Variants in C3 observed in about 807,000 individuals in gnomAD.
C3 encodes the protein C3 and PZP-like alpha-2-macroglobulin domain-containing protein 1.
A neutral mutation model predicts 207.9 loss-of-function variants in C3; 97 were observed. The ratio of observed to expected loss-of-function variants is 0.47; its 90% confidence interval spans 0.40 to 0.55. The LOEUF is 0.55. Among genes scored for constraint, C3 ranks in the 20% least tolerant of loss-of-function variants. The pLI is 0.00. For missense variants in C3, 1,684 were observed against 2,171.7 expected, an observed-to-expected ratio of 0.78 and a Z score of 4.46; for synonymous variants, 848 against 857.6, an observed-to-expected ratio of 0.99 and a Z score of 0.20.
In C3 at chr19:6,697,380, G is replaced by A; in HGVS notation, c.2760C>T (p.Phe920=). ...VEVKAAVYHH[F]ISDGVRKSLK... is the part of the protein sequence containing the mutation. ...GGGACTTCCTGACACCGTCACTGAT[G>A]AAATGATGGTAGACAGCAGCCTTGA... The change falls in exon 21 of 41, where the codon TTC becomes TTT. Residue 920 remains phenylalanine (F), a synonymous_variant. Coordinates refer to ENST00000245907, the MANE Select transcript of C3 (RefSeq NM_000064.4). 6.2e-7 allele frequency: 1 copy of A among 1,614,100 alleles called. No individual in the cohort carries two copies. Among genetic ancestry groups the A allele is most frequent in the Non-Finnish European group, 8.5e-7 (1 of 1,180,002 alleles).
At chr19:6,707,338 G>A in intron 16 of C3, 65 bp from the exon 17 acceptor site, 1 of 1,600,184 alleles carries the variant, frequency 6.2e-7, no homozygotes, top group Non-Finnish European at 8.5e-7. Flanking sequence ...GAGGGACGCG[G>A]GACGGACCCC....
chr19:6,708,443 C>T (rs189143082), intron 14 of C3, among the ~76,000 whole-genome samples: 108 of 152,172 alleles, frequency 7.1e-4, no homozygotes, highest in African/African-American at 2.4e-3. Flanking sequence ...GCCACCATGC[C>T]CGGCCTTCTT....
rs1226543167 is a variant in C3 at position 6,677,926 on chromosome 19, C to T, written c.4948G>A (p.Gly1650Ser). 1 of 1,605,518 alleles carries T rather than the reference C, an allele frequency of 6.2e-7. No individual in the cohort carries two copies. Among genetic ancestry groups the T allele is most frequent in the Non-Finnish European group, 8.5e-7 (1 of 1,176,514 alleles). The change falls in exon 41 of 41, where the codon GGC becomes AGC. Residue 1650 changes from glycine to serine, a missense_variant. Coordinates refer to ENST00000245907, the MANE Select transcript of C3 (RefSeq NM_000064.4). ...EENQKQCQDL[G>S]AFTESMVVFG... ...ACAACCATGCTCTCGGTGAAGGCGCCGAGGTCCTGGCATTGTTTCTGGTTC... is the reference window on the plus strand; with the variant it reads ...ACAACCATGCTCTCGGTGAAGGCGCTGAGGTCCTGGCATTGTTTCTGGTTC...
intron 33 of C3, among the ~76,000 whole-genome samples, chr19:6,683,971 C>T (rs781148648): frequency 2.6e-5 from 4 of 152,202 alleles, no homozygotes; most frequent in Admixed American, 1.3e-4. Context: ...TCATGGCACA[C>T]GCCTGTAGTC....
Position 6,682,207 on chromosome 19 carries a change from T to C in C3, c.4195A>G (p.Thr1399Ala). Residue 1399 changes from threonine (T) to alanine (A), a missense_variant, in exon 34 of 41, where the codon ACT (threonine) becomes GCT (alanine). By Grantham distance (58) the Thr-to-Ala change is moderately conservative. This residue lies in a region of C3 where 346 missense variants were observed against 380.1 expected (regional missense o/e 0.91). Coordinates refer to ENST00000245907, the MANE Select transcript of C3 (RefSeq NM_000064.4). ...CTRYRGDQDA[T>A]MSILDISMMT... Reference sequence around the variant, plus strand: ...ATGGATATGTCCAATATAGACATAGTGGCATCCTGGTCTCCCCGGTACCTG... The same window carrying C: ...ATGGATATGTCCAATATAGACATAGCGGCATCCTGGTCTCCCCGGTACCTG... 1 of 1,613,896 alleles carries C rather than the reference T, an allele frequency of 6.2e-7. No homozygotes were observed. The highest frequency in any genetic ancestry group is 8.5e-7 in the Non-Finnish European group (1 of 1,179,754).
intron 19 of C3, among the ~76,000 whole-genome samples, chr19:6,700,198 G>A: frequency 7.6e-6 from 1 of 132,282 alleles, no homozygotes; most frequent in Non-Finnish European, 1.5e-5. Context: ...TATATTACAT[G>A]TGTAATATGT....
At chr19:6,694,339 G>A (rs548435183) in intron 24 of C3, 92 bp downstream of exon 24, 264 of 1,123,854 alleles carry the variant, frequency 2.3e-4, no homozygotes, top group Non-Finnish European at 3.1e-4. Flanking sequence ...AGCCTCAGGG[G>A]AGGGCGTGGT....
intron 24 of C3, among the ~76,000 whole-genome samples, chr19:6,693,726 G>T (rs1171522501): frequency 6.9e-6 from 1 of 143,998 alleles, no homozygotes; most frequent in Non-Finnish European, 1.5e-5. Context: ...AGGGTGGGGG[G>T]CTTTCAGGGA....
At chr19:6,696,713 A>G in intron 21 of C3, 54 bp from the exon 22 acceptor site, 1 of 1,521,758 alleles carries the variant, frequency 6.6e-7, no homozygotes. Flanking sequence ...GAACAGACAG[A>G]CACACAGATG....
At chr19:6,709,878 C>G in intron 13 of C3, 36 bp from the exon 14 acceptor site, 1 of 1,610,734 alleles carries the variant, frequency 6.2e-7, no homozygotes, top group Non-Finnish European at 8.5e-7. Flanking sequence ...AGAAGTCAGC[C>G]CTGGGAGAGA....
chr19:6,712,139 A>G, intron 11 of C3, 118 bp downstream of exon 11: 1 of 1,324,004 alleles, frequency 7.6e-7, no homozygotes, highest in Non-Finnish European at 1.1e-6. Context: ...CGCAGGAGAG[A>G]ACCTCTCTAT....
At position 6,685,164 on chromosome 19, in the gene C3, G is replaced by A. The variant is rs746633515; in HGVS notation, c.3811-18C>T. On this transcript the variant is annotated intron_variant, in intron 29 of 40. Transcript: ENST00000245907. ...AAGGTGGCCTAGAACCCACAAGAGA[G>A]AAAGATGGTGATCTGGGAGCCTGGG... 2.2e-5 allele frequency: 36 copies of A among 1,612,108 alleles called. No homozygotes were observed. Among genetic ancestry groups the A allele is most frequent in the Non-Finnish European group, 3.0e-5 (35 of 1,178,810 alleles).
In C3 at chr19:6,704,777, A is replaced by C. The variant is rs149987436; in HGVS notation, c.2246-2198T>G. On this transcript the variant is annotated intron_variant, in intron 17 of 40. Transcript: ENST00000245907. Reference sequence around the variant, plus strand: ...CCATCTCAAAAAAACAAATAATAATAATCTCAGCTACTCAGGAGGCTGAGG... The same window carrying C: ...CCATCTCAAAAAAACAAATAATAATCATCTCAGCTACTCAGGAGGCTGAGG... Among the ~76,000 whole-genome samples the C allele has an allele frequency of 1.2e-3, 182 of 152,022 alleles. 1 individual carries two copies. Among genetic ancestry groups the C allele is most frequent in the Middle Eastern group, 6.8e-3 (2 of 294 alleles).
At chr19:6,695,615 G>A (rs988054004) in intron 23 of C3, among the ~76,000 whole-genome samples, 5 of 151,976 alleles carry the variant, frequency 3.3e-5, no homozygotes, top group African/African-American at 1.2e-4. Flanking sequence ...GAGTGGCTGG[G>A]ATTACAGGCA....
Position 6,696,630 on chromosome 19 carries a change from C to T in C3, c.2826G>A (p.Val942=). 6.2e-7 allele frequency: 1 copy of T among 1,614,068 alleles called. No individual in the cohort carries two copies. The highest frequency in any genetic ancestry group is 1.3e-5 in the African/African-American group (1 of 75,012). Residue 942 remains valine, a synonymous_variant, in exon 22 of 41, where the codon GTG becomes GTA. Coordinates refer to ENST00000245907, the MANE Select transcript of C3 (RefSeq NM_000064.4). ...VPEGIRMNKT[V]AVRTLDPERL... ...GTTCTGGATCCAGGGTGCGAACAGCCACAGTTTTGTTCATTCTGATTCCTT... is the reference window on the plus strand; with the variant it reads ...GTTCTGGATCCAGGGTGCGAACAGCTACAGTTTTGTTCATTCTGATTCCTT...
In C3 at chr19:6,688,642, C is replaced by T. The variant is rs765023871; in HGVS notation, c.3490-1740G>A. Among the ~76,000 whole-genome samples, 151 of 152,128 alleles carry T rather than the reference C, an allele frequency of 9.9e-4. 1 individual carries two copies. Among genetic ancestry groups the T allele is most frequent in the Non-Finnish European group, 1.9e-3 (129 of 68,038 alleles). On this transcript the variant is annotated intron_variant, in intron 27 of 40. Coordinates refer to ENST00000245907, the MANE Select transcript of C3 (RefSeq NM_000064.4). ...TCAAGTGATTCTCCTGCCTCAGCATCTTGAGTAGTTGGGATTACAGCACAC... is the reference window on the plus strand; with the variant it reads ...TCAAGTGATTCTCCTGCCTCAGCATTTTGAGTAGTTGGGATTACAGCACAC...
At chr19:6,703,122 T>A (rs1967709294) in intron 17 of C3, among the ~76,000 whole-genome samples, 2 of 152,308 alleles carry the variant, frequency 1.3e-5, no homozygotes, top group East Asian at 3.9e-4. Flanking sequence ...CAGGAGGGAT[T>A]CCTAGCAGTG....
At chr19:6,691,074 G>T (rs405566) in intron 26 of C3, among the ~76,000 whole-genome samples, 1 of 137,322 alleles carries the variant, frequency 7.3e-6, no homozygotes, top group African/African-American at 2.7e-5. Flanking sequence ...TTTTTTTTTG[G>T]GACAGTTTTG....
At chr19:6,706,520 C>A (rs1967776566) in intron 17 of C3, among the ~76,000 whole-genome samples, 1 of 152,134 alleles carries the variant, frequency 6.6e-6, no homozygotes, top group African/African-American at 2.4e-5. Flanking sequence ...AGACCTGGGT[C>A]TTCTCTACCT....
Sources: gnomAD v4.1 joint callset for allele counts (sites outside exome capture counted in the v4.1 genomes callset) on GRCh38, gnomAD v4.1.1 for gene constraint, gnomAD v4.1.1 regional missense constraint, MANE v1.5 for transcripts, NCBI Gene and HGNC (gene_info 2026-07-23, HGNC 2026-07-21) for gene names.